SNTG1: variants seen among roughly 807,000 people sequenced by gnomAD.
SNTG1 encodes the protein gamma-1-syntrophin.
SNTG1 carries 39 observed loss-of-function variants against 74.7 expected under a neutral mutation model. The ratio of observed to expected loss-of-function variants is 0.52; its 90% CI spans 0.40 to 0.68. SNTG1 has a LOEUF of 0.68. SNTG1 is among the 30% of genes least tolerant of loss of function. SNTG1 has a pLI of 0.00. For missense variants in SNTG1, 685 were observed against 609.5 expected, an observed-to-expected ratio of 1.12 and a Z score of -1.30; for synonymous variants, 254 against 217.1, an observed-to-expected ratio of 1.17 and a Z score of -1.49.
chr8:50,207,200 CT>C, intron 2 of SNTG1, among the ~76,000 whole-genome samples: 1 of 152,120 alleles, frequency 6.6e-6, no homozygotes, highest in East Asian at 1.9e-4. Context: ...TGGTCCTGGA[CT>C]TTTTTTGGTT....
intron 12 of SNTG1, among the ~76,000 whole-genome samples, chr8:50,586,652 TACACACAC>T (rs3036686): frequency 1.3e-5 from 2 of 149,336 alleles, no homozygotes; most frequent in African/African-American, 4.9e-5. Context: ...ATTTCATTAA[TACACACAC>T]ACACACACAC....
chr8:50,749,688 C>T (rs927389698), intron 17 of SNTG1, among the ~76,000 whole-genome samples: 2 of 151,958 alleles, frequency 1.3e-5, no homozygotes, highest in Admixed American at 6.6e-5. Flanking sequence ...TAAATCTACC[C>T]TACCTGTACT....
chr8:50,489,545 A>G (rs924784984), intron 8 of SNTG1, among the ~76,000 whole-genome samples: 1 of 152,074 alleles, frequency 6.6e-6, no homozygotes, highest in Admixed American at 6.5e-5. Context: ...AGCTTTTCTC[A>G]TATGTTTGTT....
chr8:50,054,267 C>T (rs1819839357), intron 1 of SNTG1, among the ~76,000 whole-genome samples: 1 of 152,040 alleles, frequency 6.6e-6, no homozygotes, highest in African/African-American at 2.4e-5. Flanking sequence ...CATCATTTAC[C>T]CACTTGCCCT....
intron 9 of SNTG1, among the ~76,000 whole-genome samples, chr8:50,515,775 A>G (rs574297008): frequency 8.4e-4 from 127 of 152,034 alleles, no homozygotes; most frequent in Middle Eastern, 3.4e-3. Context: ...TGAGCAGGGC[A>G]TCTCTGAAAG....
intron 8 of SNTG1, among the ~76,000 whole-genome samples, chr8:50,457,324 G>A (rs572511526): frequency 1.4e-4 from 22 of 152,210 alleles, no homozygotes; most frequent in Non-Finnish European, 2.4e-4. Context: ...GGATGACAAC[G>A]CATCCACACT....
At chr8:50,317,839 T>A (rs1030133812) in intron 2 of SNTG1, among the ~76,000 whole-genome samples, 11 of 152,150 alleles carry the variant, frequency 7.2e-5, no homozygotes, top group Non-Finnish European at 1.5e-5. Flanking sequence ...GAGTTGTTTT[T>A]TTGTTTGTTT....
intron 2 of SNTG1, among the ~76,000 whole-genome samples, chr8:50,278,795 C>A (rs1308236189): frequency 6.6e-6 from 1 of 151,662 alleles, no homozygotes; most frequent in African/African-American, 2.4e-5. Context: ...TTTCAATTAG[C>A]CACAGTGTTT....
chr8:50,235,555 G>A (rs917896095), intron 2 of SNTG1, among the ~76,000 whole-genome samples: 1 of 152,126 alleles, frequency 6.6e-6, no homozygotes, highest in African/African-American at 2.4e-5. Context: ...ATCTGTGAGT[G>A]AGTGGAAATC....
chr8:50,669,934 CA>C (rs1256500718), intron 15 of SNTG1, among the ~76,000 whole-genome samples: 8 of 152,102 alleles, frequency 5.3e-5, no homozygotes, highest in Non-Finnish European at 1.2e-4. Flanking sequence ...GAACCAAAGA[CA>C]AAAACCACAT....
At chr8:50,640,500 C>G (rs1479234691) in intron 13 of SNTG1, among the ~76,000 whole-genome samples, 1 of 152,102 alleles carries the variant, frequency 6.6e-6, no homozygotes, top group Non-Finnish European at 1.5e-5. Context: ...GATAGGTATT[C>G]TTCTTGCTCC....
chr8:50,462,538 G>T (rs1258793056), intron 8 of SNTG1, among the ~76,000 whole-genome samples: 3 of 152,000 alleles, frequency 2.0e-5, no homozygotes, highest in Non-Finnish European at 4.4e-5. Flanking sequence ...TCCGTAATGT[G>T]ATGCTGTTTA....
intron 8 of SNTG1, among the ~76,000 whole-genome samples, chr8:50,469,257 C>A (rs1010402052): frequency 7.2e-5 from 11 of 152,124 alleles, no homozygotes; most frequent in African/African-American, 2.4e-5. Context: ...GGGACACAGG[C>A]TTCTGTTGGT....
intron 8 of SNTG1, among the ~76,000 whole-genome samples, chr8:50,479,069 A>T (rs7830079): frequency 0.13 from 20,345 of 152,136 alleles, 2,299 homozygotes; most frequent in African/African-American, 0.31. Flanking sequence ...GAAAGATGCA[A>T]TGCGGAGAGA....
intron 8 of SNTG1, among the ~76,000 whole-genome samples, chr8:50,453,138 C>T (rs2093471940): frequency 6.6e-6 from 1 of 152,142 alleles, no homozygotes; most frequent in African/African-American, 2.4e-5. Flanking sequence ...TACTGTCAAA[C>T]AGTCTTCAAA....
At chr8:50,411,456 A>T (rs1444499585) in intron 4 of SNTG1, among the ~76,000 whole-genome samples, 3 of 151,660 alleles carry the variant, frequency 2.0e-5, no homozygotes, top group Admixed American at 1.3e-4. Context: ...TCAAAAAAAA[A>T]AAATAAAAAG....
At chr8:50,680,518 A>G (rs2095326828) in intron 15 of SNTG1, among the ~76,000 whole-genome samples, 1 of 152,072 alleles carries the variant, frequency 6.6e-6, no homozygotes, top group Non-Finnish European at 1.5e-5. Context: ...AGTAGGCATC[A>G]TTTTCAGATT....
At chr8:50,180,804 A>C (rs2083177526) in intron 2 of SNTG1, among the ~76,000 whole-genome samples, 1 of 124,726 alleles carries the variant, frequency 8.0e-6, no homozygotes, top group African/African-American at 3.2e-5. Flanking sequence ...CTTGTTGCCC[A>C]AGCTGGAGTG....
rs2087061552 is a variant in SNTG1 at position 50,259,515 on chromosome 8, AGAAAGAAAGAAAGAAAGAAAG to A, written c.-28+86881_-28+86901del. Among the ~76,000 whole-genome samples, 40 of 37,434 alleles carry A rather than the reference AGAAAGAAAGAAAGAAAGAAAG, an allele frequency of 1.1e-3. 3 individuals are homozygous for A. The highest frequency in any genetic ancestry group is 2.3e-3 in the South Asian group (2 of 860). The allele number at this position is 37,434 out of a possible 152,430, so 24.6% of individuals were successfully genotyped here. ...CGCTGTCTCAAAAAAAAAAAAAGAA[AGAAAGAAAGAAAGAAAGAAAG>A]AAAGAAAGAAAGAAAGAAAGAAAGA... is the stretch of plus-strand genomic sequence containing the variant. On this transcript the variant is annotated intron_variant, in intron 2 of 18. Coordinates refer to ENST00000642720, the MANE Select transcript of SNTG1 (RefSeq NM_018967.5).
Sources: gnomAD v4.1 joint callset for allele counts (sites outside exome capture counted in the v4.1 genomes callset) on GRCh38, gnomAD v4.1.1 for gene constraint, MANE v1.5 for transcripts, NCBI Gene and HGNC (gene_info 2026-07-23, HGNC 2026-07-21) for gene names.